Variants in DACH1 observed in about 807,000 individuals in gnomAD.
The protein encoded by DACH1 is dachshund family transcription factor 1.
A neutral mutation model predicts 54.2 loss-of-function variants in DACH1; 12 were observed. That is an observed-to-expected ratio of 0.22 (90% CI 0.14 to 0.36). DACH1 has a LOEUF of 0.36. Among genes scored for constraint, DACH1 ranks in the 10% least tolerant of loss-of-function variants. DACH1 has a pLI of 1.00. For missense variants in DACH1, 805 were observed against 929.8 expected (o/e 0.87, Z 1.75); for synonymous variants, 386 against 366.2 (o/e 1.05, Z -0.62).
In DACH1 at chr13:71,830,213, T is replaced by TGCA. The variant is rs1888531271; in HGVS notation, c.848+35708_848+35709insTGC. ...ATATCTGAGAGGTTGCAATCAAATT[T>TGCA]ATCTTATTTATATAGGCAAAATTCT... On this transcript the variant is annotated intron_variant, in intron 1 of 10. Transcript: ENST00000613252. 2.0e-5 allele frequency among the ~76,000 whole-genome samples: 3 copies of TGCA among 151,934 alleles called. No individual in the cohort carries two copies. In the South Asian group the frequency reaches 6.2e-4, roughly 32 times the overall value.
intron 6 of DACH1, among the ~76,000 whole-genome samples, chr13:71,507,157 TC>T (rs1468396481): frequency 6.6e-5 from 10 of 152,170 alleles, no homozygotes; most frequent in Non-Finnish European, 1.3e-4. Context: ...AACCTACTCA[TC>T]TTAAGATTCT....
chr13:71,816,664 A>G (rs1292888206), intron 1 of DACH1, among the ~76,000 whole-genome samples: 1 of 132,726 alleles, frequency 7.5e-6, no homozygotes, highest in African/African-American at 2.8e-5. Flanking sequence ...ATACACGTGT[A>G]TATATATACA....
intron 4 of DACH1, among the ~76,000 whole-genome samples, chr13:71,561,897 A>G (rs1012781695): frequency 6.6e-6 from 1 of 152,122 alleles, no homozygotes; most frequent in Non-Finnish European, 1.5e-5. Context: ...ACCAGAAAAA[A>G]TAGCCAAGCC....
At chr13:71,782,337 G>A (rs115281244) in intron 1 of DACH1, among the ~76,000 whole-genome samples, 2,448 of 152,254 alleles carry the variant, frequency 0.016, 71 homozygotes, top group African/African-American at 0.054. Flanking sequence ...AGCCACTAAG[G>A]AGGCTGAGGC....
intron 1 of DACH1, among the ~76,000 whole-genome samples, chr13:71,745,184 T>G (rs776932619): frequency 2.6e-5 from 4 of 152,204 alleles, no homozygotes; most frequent in Non-Finnish European, 5.9e-5. Flanking sequence ...TACTATTTCT[T>G]TCCACAAATC....
intron 1 of DACH1, among the ~76,000 whole-genome samples, chr13:71,764,917 T>C (rs1172086838): frequency 2.0e-5 from 3 of 152,186 alleles, no homozygotes; most frequent in Non-Finnish European, 4.4e-5. Flanking sequence ...ATTTTAACCA[T>C]GCTTCCCTTT....
chr13:71,470,102 C>G (rs1007377958), intron 10 of DACH1, among the ~76,000 whole-genome samples: 2 of 152,050 alleles, frequency 1.3e-5, no homozygotes, highest in African/African-American at 4.8e-5. Context: ...CAAAAAACTA[C>G]TAGTTTGAAA....
intron 10 of DACH1, among the ~76,000 whole-genome samples, chr13:71,465,011 A>G (rs890454081): frequency 3.9e-5 from 6 of 152,080 alleles, no homozygotes; most frequent in African/African-American, 9.7e-5. Flanking sequence ...GTTCTCCAAA[A>G]TGATGTTCTC....
intron 8 of DACH1, among the ~76,000 whole-genome samples, chr13:71,477,249 T>C (rs1039119181): frequency 2.0e-5 from 3 of 150,484 alleles, no homozygotes; most frequent in African/African-American, 7.3e-5. Context: ...GCCTCCCAAG[T>C]AGCTGGGACT....
At chr13:71,598,991 A>C (rs766277179) in intron 3 of DACH1, among the ~76,000 whole-genome samples, 6 of 152,082 alleles carry the variant, frequency 3.9e-5, no homozygotes, top group Non-Finnish European at 8.8e-5. Context: ...TAGGTCTTAG[A>C]GTTCTTCTTA....
At chr13:71,601,021 C>T (rs777001166) in intron 3 of DACH1, among the ~76,000 whole-genome samples, 1 of 149,984 alleles carries the variant, frequency 6.7e-6, no homozygotes, top group African/African-American at 2.4e-5. Flanking sequence ...TCCATAATTC[C>T]GGAAAAAAAA....
rs370369784 is a variant in DACH1 at position 71,459,066 on chromosome 13, C to T, written c.2083+16075G>A. Among the ~76,000 whole-genome samples, 21 of 151,778 alleles carry T rather than the reference C, an allele frequency of 1.4e-4. No individual in the cohort carries two copies. In the South Asian group the frequency reaches 3.5e-3, roughly 26 times the overall value. On this transcript the variant is annotated intron_variant, in intron 10 of 10. Transcript: ENST00000613252. The stretch of plus-strand genomic sequence containing the variant: ...CAATAGTTTGCCAAAGTTCATTCCA[C>T]GAAATATTATTACTTTTAATTCAAT...
rs555287036 is a variant in DACH1 at position 71,531,001 on chromosome 13, G to C, written c.1570+26023C>G. 5.9e-5 allele frequency among the ~76,000 whole-genome samples: 9 copies of C among 152,130 alleles called. No homozygotes were observed. The South Asian group carries it at 1.7e-3, about 28-fold the overall frequency. On this transcript the variant is annotated intron_variant, in intron 6 of 10. Coordinates refer to ENST00000613252, the MANE Select transcript of DACH1 (RefSeq NM_080759.6). ...CAACGTAAGGGATGGAGGACAGATG[G>C]AGAAGGCAGGTGGTGGAAAGTTAGT...
intron 6 of DACH1, among the ~76,000 whole-genome samples, chr13:71,499,081 A>T (rs1321750474): frequency 6.6e-6 from 1 of 151,534 alleles, no homozygotes; most frequent in East Asian, 2.0e-4. Context: ...AATGGCACCA[A>T]GCATTAAACA....
intron 1 of DACH1, among the ~76,000 whole-genome samples, chr13:71,768,050 G>T (rs1004700032): frequency 6.6e-6 from 1 of 151,746 alleles, no homozygotes; most frequent in African/African-American, 2.4e-5. Flanking sequence ...AGTACTATGG[G>T]CTATCATATA....
At chr13:71,503,499 A>G (rs1355994889) in intron 6 of DACH1, among the ~76,000 whole-genome samples, 1 of 152,208 alleles carries the variant, frequency 6.6e-6, no homozygotes, top group African/African-American at 2.4e-5. Flanking sequence ...CTTTTGTTTG[A>G]GTTGCCTTTT....
chr13:71,480,745 C>T (rs1352577608), intron 7 of DACH1, among the ~76,000 whole-genome samples: 2 of 152,148 alleles, frequency 1.3e-5, no homozygotes, highest in Non-Finnish European at 2.9e-5. Flanking sequence ...ATTTCTACTC[C>T]AGCTTGACTT....
At chr13:71,562,472 C>T (rs1425706800) in intron 4 of DACH1, among the ~76,000 whole-genome samples, 1 of 152,054 alleles carries the variant, frequency 6.6e-6, no homozygotes, top group Non-Finnish European at 1.5e-5. Flanking sequence ...TTGAAACTAA[C>T]TTGTTCAGAG....
At chr13:71,738,897 C>CAATGTACAAGA (rs1222293547) in intron 1 of DACH1, among the ~76,000 whole-genome samples, 1 of 151,654 alleles carries the variant, frequency 6.6e-6, no homozygotes, top group East Asian at 1.9e-4. Flanking sequence ...TTATGGAAGA[C>CAATGTACAAGA]AATGTACAAG....
Sources: allele counts gnomAD v4.1 joint callset (sites outside exome capture counted in the v4.1 genomes callset), GRCh38; gene constraint gnomAD v4.1.1; transcripts MANE v1.5; gene names NCBI Gene and HGNC (gene_info 2026-07-23, HGNC 2026-07-21).